GPC6: variants seen among roughly 807,000 people sequenced by gnomAD.
The protein encoded by GPC6 is glypican 6.
In GPC6, 14 loss-of-function variants were observed where a neutral mutation model predicts 55.2. That is an observed-to-expected ratio of 0.25 (90% CI 0.17 to 0.40). The LOEUF (loss-of-function observed/expected upper bound fraction) is 0.40, where lower values mean the gene tolerates loss of function less well. GPC6 is among the 10% of genes least tolerant of loss of function. The pLI, the probability that GPC6 is intolerant of heterozygous loss-of-function variation, is 1.00. For synonymous variants in GPC6, 278 were observed against 259.6 expected, an observed-to-expected ratio of 1.07 and a Z score of -0.68; for missense variants, 641 against 708.5, an observed-to-expected ratio of 0.90 and a Z score of 1.08.
rs1422870977 is a variant in GPC6, at chr13:93,965,162, C to A, written c.712-62567C>A. On this transcript the variant is annotated intron_variant, in intron 3 of 8. Coordinates refer to ENST00000377047, the MANE Select transcript of GPC6 (RefSeq NM_005708.5). Reference sequence around the variant, plus strand: ...AGGGAAGTTTGGTAGTTAAAAATAACCACGATTGGGAGGCTGATGCGGGCA... The same window carrying A: ...AGGGAAGTTTGGTAGTTAAAAATAAACACGATTGGGAGGCTGATGCGGGCA... Among the ~76,000 whole-genome samples the A allele has an allele frequency of 1.8e-4, 21 of 116,428 alleles. No homozygotes were observed. The East Asian group carries it at 6.0e-3, about 33-fold the overall frequency. 76.4% of individuals were successfully genotyped at this position (116,428 alleles called of 152,430 possible).
At chr13:94,077,252 G>A (rs1329096989) in intron 4 of GPC6, among the ~76,000 whole-genome samples, 1 of 151,544 alleles carries the variant, frequency 6.6e-6, no homozygotes, top group Non-Finnish European at 1.5e-5. Context: ...TTGTTAATGG[G>A]ATTACTTCTT....
At chr13:93,529,510 CTTTT>C (rs1165594323) in intron 1 of GPC6, among the ~76,000 whole-genome samples, 1 of 85,194 alleles carries the variant, frequency 1.2e-5, no homozygotes, top group Non-Finnish European at 2.1e-5. Context: ...CTCTGAGATT[CTTTT>C]TTTTTTTTTT....
At chr13:93,536,773 C>A (rs1198702662) in intron 1 of GPC6, among the ~76,000 whole-genome samples, 1 of 152,114 alleles carries the variant, frequency 6.6e-6, no homozygotes, top group Non-Finnish European at 1.5e-5. Flanking sequence ...TTAGTTAATA[C>A]TTTTTGAAAG....
chr13:94,129,622 C>T (rs1172924250), intron 4 of GPC6, among the ~76,000 whole-genome samples: 2 of 152,142 alleles, frequency 1.3e-5, no homozygotes, highest in Non-Finnish European at 1.5e-5. Flanking sequence ...CCTAGCAGAG[C>T]GAGTGGCTTC....
At chr13:93,759,774 AC>A (rs1884898464) in intron 2 of GPC6, among the ~76,000 whole-genome samples, 1 of 152,062 alleles carries the variant, frequency 6.6e-6, no homozygotes, top group African/African-American at 2.4e-5. Flanking sequence ...AAACTAACCC[AC>A]CCAAACAAAC....
intron 4 of GPC6, among the ~76,000 whole-genome samples, chr13:94,206,467 T>A (rs1222332672): frequency 6.6e-6 from 1 of 152,154 alleles, no homozygotes; most frequent in Non-Finnish European, 1.5e-5. Flanking sequence ...TGGAGGGGTT[T>A]TTTTTGGTAT....
intron 3 of GPC6, among the ~76,000 whole-genome samples, chr13:93,861,524 C>T (rs1445712046): frequency 6.6e-6 from 1 of 151,418 alleles, no homozygotes; most frequent in Non-Finnish European, 1.5e-5. Context: ...GGGCAAATAA[C>T]AGGAAGCTCA....
chr13:93,430,737 A>G (rs1340610501), intron 1 of GPC6, among the ~76,000 whole-genome samples: 2 of 152,172 alleles, frequency 1.3e-5, no homozygotes, highest in African/African-American at 4.8e-5. Context: ...CCTCAAGAAA[A>G]TCCTGCAAAG....
intron 1 of GPC6, among the ~76,000 whole-genome samples, chr13:93,459,606 T>C (rs941384202): frequency 2.6e-5 from 4 of 152,212 alleles, no homozygotes; most frequent in Admixed American, 2.0e-4. Context: ...TCAGAGAAAG[T>C]ATGGGTCCCC....
chr13:93,729,899 A>G (rs926959539), intron 2 of GPC6, among the ~76,000 whole-genome samples: 2 of 152,186 alleles, frequency 1.3e-5, no homozygotes, highest in Non-Finnish European at 2.9e-5. Flanking sequence ...CTCATAAACA[A>G]TGGCAAATAC....
At chr13:93,339,770 CA>C (rs1466524206) in intron 1 of GPC6, among the ~76,000 whole-genome samples, 2 of 152,118 alleles carry the variant, frequency 1.3e-5, no homozygotes, top group Admixed American at 1.3e-4. Flanking sequence ...CACTCAAAAG[CA>C]ATAATGTTTT....
At chr13:94,192,789 C>T (rs1485056810) in intron 4 of GPC6, among the ~76,000 whole-genome samples, 2 of 152,188 alleles carry the variant, frequency 1.3e-5, no homozygotes, top group Admixed American at 1.3e-4. Context: ...GTGCCCTCTG[C>T]TGGGGACTCA....
intron 2 of GPC6, among the ~76,000 whole-genome samples, chr13:93,607,230 A>G (rs890412022): frequency 6.6e-6 from 1 of 152,198 alleles, no homozygotes; most frequent in Non-Finnish European, 1.5e-5. Flanking sequence ...CTTTTATATG[A>G]CTGTTACCCG....
intron 1 of GPC6, among the ~76,000 whole-genome samples, chr13:93,469,217 G>T (rs1879022915): frequency 6.6e-6 from 1 of 151,868 alleles, no homozygotes; most frequent in Admixed American, 6.6e-5. Context: ...ATGAATTATT[G>T]AAATTCAATA....
chr13:93,879,282 C>A (rs138589845), intron 3 of GPC6, among the ~76,000 whole-genome samples: 1 of 152,044 alleles, frequency 6.6e-6, no homozygotes, highest in African/African-American at 2.4e-5. Context: ...GGTTTGAAAG[C>A]TGGAGGCATC....
At chr13:93,776,589 G>T (rs1386931234) in intron 2 of GPC6, among the ~76,000 whole-genome samples, 2 of 151,328 alleles carry the variant, frequency 1.3e-5, no homozygotes, top group African/African-American at 4.9e-5. Flanking sequence ...TTCAAGGTAT[G>T]TTCAGAAAAA....
chr13:94,248,890 C>T (rs1891274339), intron 4 of GPC6, among the ~76,000 whole-genome samples: 1 of 152,056 alleles, frequency 6.6e-6, no homozygotes, highest in African/African-American at 2.4e-5. Context: ...AAGTAATATA[C>T]CTCTTAAATG....
chr13:93,798,608 TTGAA>T, intron 2 of GPC6, among the ~76,000 whole-genome samples: 1 of 152,224 alleles, frequency 6.6e-6, no homozygotes, highest in African/African-American at 2.4e-5. Context: ...GAAGGTCATT[TTGAA>T]TGTGCACCTA....
At chr13:94,131,732 C>T (rs1420059630) in intron 4 of GPC6, among the ~76,000 whole-genome samples, 2 of 151,978 alleles carry the variant, frequency 1.3e-5, no homozygotes, top group Non-Finnish European at 2.9e-5. Context: ...ATAACCCTGG[C>T]CAAGTTATGA....
Sources: allele counts gnomAD v4.1 joint callset (sites outside exome capture counted in the v4.1 genomes callset), GRCh38; gene constraint gnomAD v4.1.1; transcripts MANE v1.5; gene names NCBI Gene and HGNC (gene_info 2026-07-23, HGNC 2026-07-21).